SLC5A11: variants seen among roughly 807,000 people sequenced by gnomAD.
SLC5A11 encodes solute carrier family 5 member 11, also known as sodium/myo-inositol cotransporter 2.
SLC5A11 carries 48 observed loss-of-function variants against 69.8 expected under a neutral mutation model. That is an observed-to-expected ratio of 0.69 (90% CI 0.55 to 0.87). The LOEUF is 0.87. Ranked by LOEUF, SLC5A11 falls within the 40% of genes least tolerant of loss-of-function variation. The pLI, the probability that SLC5A11 is intolerant of heterozygous loss-of-function variation, is 0.00. For synonymous variants in SLC5A11, 319 were observed against 342.4 expected (o/e 0.93, Z 0.75); for missense variants, 784 against 866.1 (o/e 0.91, Z 1.19).
intron 3 of SLC5A11, among the ~76,000 whole-genome samples, chr16:24,865,257 C>CCATT (rs1358692465): frequency 6.6e-6 from 1 of 152,112 alleles, no homozygotes; most frequent in East Asian, 1.9e-4. Context: ...GAGGAACAAT[C>CCATT]CATTACATAC....
chr16:24,888,478 C>CTTTTTTTTT (rs891552223), intron 8 of SLC5A11, among the ~76,000 whole-genome samples: 2 of 81,406 alleles, frequency 2.5e-5, no homozygotes, highest in Non-Finnish European at 4.4e-5. Flanking sequence ...GTATCTATTT[C>CTTTTTTTTT]TTTTTTTTTT....
At chr16:24,910,707 G>C (rs2050453497) in intron 15 of SLC5A11, among the ~76,000 whole-genome samples, 1 of 152,110 alleles carries the variant, frequency 6.6e-6, no homozygotes, top group Non-Finnish European at 1.5e-5. Flanking sequence ...CACTTGTTGA[G>C]TGCCTACGGA....
intron 10 of SLC5A11, among the ~76,000 whole-genome samples, chr16:24,902,550 T>A (rs1156982878): frequency 6.6e-6 from 1 of 150,784 alleles, no homozygotes; most frequent in Non-Finnish European, 1.5e-5. Flanking sequence ...TCAAGTCTTT[T>A]TTTTTTTTTT....
intron 9 of SLC5A11, 90 bp from the exon 11 acceptor site, chr16:24,897,884 T>C: frequency 2.0e-6 from 3 of 1,512,880 alleles, no homozygotes; most frequent in South Asian, 1.3e-5. Flanking sequence ...GTGGGAATTA[T>C]GGGAGCTACA....
chr16:24,906,960 G>A lies in SLC5A11; in HGVS notation c.1115-65G>A, dbSNP rs1160658162. ...CTGAGGTTCTGCCTCCTCCAGTTGA[G>A]CCCACTGGGATCGGCTGCTTTGGCA... On this transcript the variant is annotated intron_variant, in intron 11 of 15. Coordinates refer to ENST00000347898, the Ensembl canonical transcript of SLC5A11. 7.6e-6 allele frequency: 12 copies of A among 1,580,362 alleles called. 1 individual carries two copies. In the East Asian group the frequency reaches 2.5e-4, roughly 32 times the overall value.
intron 13 of SLC5A11, 111 bp from the exon 15 acceptor site, chr16:24,908,770 C>A: frequency 1.1e-6 from 1 of 886,970 alleles, no homozygotes; most frequent in East Asian, 2.6e-5. Flanking sequence ...ATTGCTGACC[C>A]GTGCTTGCAG....
chr16:24,874,501 T>C (rs1443110002), intron 5 of SLC5A11, among the ~76,000 whole-genome samples: 5 of 152,220 alleles, frequency 3.3e-5, no homozygotes, highest in African/African-American at 1.2e-4. Context: ...GGTTACATTT[T>C]ATATTCTCCA....
chr16:24,849,591 A>ACAT lies in SLC5A11; in HGVS notation c.-25+3153_-25+3154insCAT, dbSNP rs60683631. On this transcript the variant is annotated intron_variant, in intron 1 of 15. Transcript: ENST00000347898. ...TGGGGGCAAAAAAAAAAAAAAAAAA[A>ACAT]AAATATATATATATATATATATATA... Among the ~76,000 whole-genome samples the ACAT allele has an allele frequency of 2.1e-4, 12 of 57,498 alleles. 1 individual carries two copies. The highest frequency in any genetic ancestry group is 7.3e-4 in the African/African-American group (12 of 16,430). 37.7% of individuals were successfully genotyped at this position (57,498 alleles called of 152,430 possible). A position where few individuals can be genotyped will look rare whatever the true frequency, so the allele number is the denominator to read the frequency against.
intron 7 of SLC5A11, among the ~76,000 whole-genome samples, chr16:24,880,307 A>G (rs2047955094): frequency 6.6e-6 from 1 of 152,130 alleles, no homozygotes; most frequent in South Asian, 2.1e-4. Context: ...GCCGGAGAGA[A>G]AGAGTGAAGC....
intron 7 of SLC5A11, among the ~76,000 whole-genome samples, chr16:24,881,304 T>G (rs1421029687): frequency 1.3e-5 from 2 of 152,148 alleles, no homozygotes; most frequent in African/African-American, 4.8e-5. Flanking sequence ...TTTCTTTTTT[T>G]GAGACAGGGT....
At chr16:24,889,199 T>G (rs2152361643) in intron 8 of SLC5A11, among the ~76,000 whole-genome samples, 1 of 152,214 alleles carries the variant, frequency 6.6e-6, no homozygotes, top group South Asian at 2.1e-4. Flanking sequence ...AAACAAAATA[T>G]AAGCCATATG....
intron 12 of SLC5A11, among the ~76,000 whole-genome samples, 185 bp from the exon 14 acceptor site, chr16:24,907,778 C>T (rs576297153): frequency 2.2e-4 from 34 of 152,064 alleles, no homozygotes; most frequent in East Asian, 5.8e-4. Context: ...CCCACCTATT[C>T]GGGAGGCTGA....
chr16:24,861,039 A>G (rs1362546518), intron 2 of SLC5A11, among the ~76,000 whole-genome samples: 4 of 152,124 alleles, frequency 2.6e-5, no homozygotes, highest in Non-Finnish European at 4.4e-5. Context: ...CTTACAATGA[A>G]TGAGGTTGGG....
intron 1 of SLC5A11, among the ~76,000 whole-genome samples, chr16:24,850,842 GCT>G (rs773131059): frequency 6.6e-6 from 1 of 150,696 alleles, no homozygotes; most frequent in Non-Finnish European, 1.5e-5. Flanking sequence ...ACAGAGTCTT[GCT>G]CTGTCACCCA....
At chr16:24,898,451 C>G (rs2049337868) in intron 10 of SLC5A11, among the ~76,000 whole-genome samples, 1 of 152,072 alleles carries the variant, frequency 6.6e-6, no homozygotes, top group Non-Finnish European at 1.5e-5. Context: ...CTCAAGCTAT[C>G]CTCCTGCCTT....
In SLC5A11 at chr16:24,877,255, C is replaced by T; in HGVS notation, c.478-3C>T. 1 of 1,613,538 alleles carries T rather than the reference C, an allele frequency of 6.2e-7. No homozygotes were observed. The highest frequency in any genetic ancestry group is 8.5e-7 in the Non-Finnish European group (1 of 1,179,604). On this transcript the variant is annotated splice_polypyrimidine_tract_variant and splice_region_variant and intron_variant, in intron 6 of 15. Coordinates refer to ENST00000347898, the Ensembl canonical transcript of SLC5A11. Reference sequence around the variant, plus strand: ...TTCATCCATCAACCTCCTTTCTTCACAGGTAGACATGTATGCAGGTGCCAT... The same window carrying T: ...TTCATCCATCAACCTCCTTTCTTCATAGGTAGACATGTATGCAGGTGCCAT...
intron 5 of SLC5A11, among the ~76,000 whole-genome samples, chr16:24,873,870 G>T (rs1028949806): frequency 6.9e-6 from 1 of 145,888 alleles, no homozygotes; most frequent in Non-Finnish European, 1.5e-5. Flanking sequence ...CTGCTGCCCA[G>T]GCTGGAGTTG....
chr16:24,873,400 G>A (rs939017404), intron 5 of SLC5A11, among the ~76,000 whole-genome samples: 2 of 152,094 alleles, frequency 1.3e-5, no homozygotes, highest in Non-Finnish European at 2.9e-5. Flanking sequence ...GGAGGCTGTG[G>A]TGGGAGGATT....
At chr16:24,906,150 G>A (rs2050040187) in intron 10 of SLC5A11, among the ~76,000 whole-genome samples, 1 of 152,016 alleles carries the variant, frequency 6.6e-6, no homozygotes. Context: ...AGACCAGCCT[G>A]GCCAACATGG....
Sources: gnomAD v4.1 joint callset for allele counts (sites outside exome capture counted in the v4.1 genomes callset) on GRCh38, gnomAD v4.1.1 for gene constraint, MANE v1.5 for transcripts, NCBI Gene and HGNC (gene_info 2026-07-23, HGNC 2026-07-21) for gene names.